The following SLAMF1 variants were observed in gnomAD, a reference collection of about 807,000 sequenced individuals.
SLAMF1 encodes the protein signaling lymphocytic activation molecule family member 1.
SLAMF1 carries 18 observed loss-of-function variants against 35.1 expected under a neutral mutation model. The ratio of observed to expected loss-of-function variants is 0.51; its 90% CI spans 0.35 to 0.76. SLAMF1 has a LOEUF of 0.76. SLAMF1 is among the 30% of genes least tolerant of loss of function. The pLI is 0.01. For synonymous variants in SLAMF1, 168 were observed against 157.2 expected (o/e 1.07, Z -0.51); for missense variants, 392 against 413.0 (o/e 0.95, Z 0.44).
chr1:160,637,590 G>T, intron 1 of SLAMF1, 61 bp from the exon 2 acceptor site: 1 of 1,249,142 alleles, frequency 8.0e-7, no homozygotes, highest in Non-Finnish European at 1.1e-6. Flanking sequence ...CATCGTGTCA[G>T]CAGATCAGGA....
chr1:160,637,426 G>A lies in SLAMF1; in HGVS notation c.180C>T (p.Ile60=). ...ATTTTGCCATTGTGACGACAATGTG[G>A]ATGCTTTTGTTCATGCTCTTATTTA... ...ERINKSMNKS[I]HIVVTMAKSL... is the part of the protein sequence containing the mutation. Residue 60 remains isoleucine, a synonymous_variant, in exon 2 of 7, where the codon ATC becomes ATT. Coordinates refer to ENST00000302035, the MANE Select transcript of SLAMF1 (RefSeq NM_003037.5). 6.2e-7 allele frequency: 1 copy of A among 1,613,964 alleles called. No individual in the cohort carries two copies. The highest frequency in any genetic ancestry group is 8.5e-7 in the Non-Finnish European group (1 of 1,179,832).
chr1:160,624,847 T>C (rs1659796451), intron 3 of SLAMF1, among the ~76,000 whole-genome samples: 1 of 152,138 alleles, frequency 6.6e-6, no homozygotes, highest in Non-Finnish European at 1.5e-5. Flanking sequence ...CTTTATCAAA[T>C]CCTTTTGAAC....
At chr1:160,613,913 A>G (rs1254128779) in intron 5 of SLAMF1, among the ~76,000 whole-genome samples, 6 of 152,264 alleles carry the variant, frequency 3.9e-5, no homozygotes, top group Non-Finnish European at 7.3e-5. Context: ...ATGAGCTCCT[A>G]TAGTTATAAG....
intron 3 of SLAMF1, chr1:160,634,225 A>G (rs1014214707): frequency 6.4e-6 from 1 of 155,044 alleles, no homozygotes; most frequent in African/African-American, 2.4e-5. Context: ...ATCAGTAAAT[A>G]CTAATTGACG....
At chr1:160,629,420 A>G (rs1660052645) in intron 3 of SLAMF1, among the ~76,000 whole-genome samples, 1 of 152,142 alleles carries the variant, frequency 6.6e-6, no homozygotes, top group African/African-American at 2.4e-5. Context: ...CACCTAGGAG[A>G]TACTGCGACG....
intron 1 of SLAMF1, among the ~76,000 whole-genome samples, chr1:160,639,207 T>C (rs1208379480): frequency 6.6e-6 from 1 of 152,288 alleles, no homozygotes; most frequent in East Asian, 1.9e-4. Flanking sequence ...ATTCCTTTCT[T>C]TCTCGCATAC....
intron 1 of SLAMF1, among the ~76,000 whole-genome samples, chr1:160,640,910 G>T (rs1312542174): frequency 6.6e-6 from 1 of 152,076 alleles, no homozygotes; most frequent in Non-Finnish European, 1.5e-5. Flanking sequence ...TGGTGGTGGT[G>T]GTTGTTTTTA....
chr1:160,626,556 C>A (rs1345242520), intron 3 of SLAMF1, among the ~76,000 whole-genome samples: 2 of 152,114 alleles, frequency 1.3e-5, no homozygotes, highest in Non-Finnish European at 2.9e-5. Flanking sequence ...CTTAAGGGAA[C>A]TATAGTATAG....
chr1:160,614,727 A>C (rs1453913635), intron 5 of SLAMF1, among the ~76,000 whole-genome samples: 1 of 152,226 alleles, frequency 6.6e-6, no homozygotes, highest in Non-Finnish European at 1.5e-5. Context: ...TTTAGAAAGG[A>C]GAAAAATATG....
intron 4 of SLAMF1, among the ~76,000 whole-genome samples, chr1:160,623,044 G>A (rs1659701766): frequency 6.6e-6 from 1 of 152,172 alleles, no homozygotes; most frequent in South Asian, 2.1e-4. Flanking sequence ...TGTTGGGGAA[G>A]GTAGTGGGGA....
At chr1:160,611,961 T>C (rs1220558721) in intron 6 of SLAMF1, among the ~76,000 whole-genome samples, 1 of 152,190 alleles carries the variant, frequency 6.6e-6, no homozygotes, top group Non-Finnish European at 1.5e-5. Flanking sequence ...GGTCTATGGC[T>C]ACTCTCCATA....
Position 160,642,331 on chromosome 1 carries a change from T to A in SLAMF1, c.76+4539A>T, listed in dbSNP as rs562541735. On this transcript the variant is annotated intron_variant, in intron 1 of 6. Transcript: ENST00000302035. This position sits in a 1 kb window ranked among gnomAD's most constrained non-coding sequence, Gnocchi z 4.2. ...TTATTTGCCTAGCTAACAACTTCCA[T>A]CTTTCTGGTCTCCATTTTGACATCT... Among the ~76,000 whole-genome samples, 2 of 152,330 alleles carry A rather than the reference T, an allele frequency of 1.3e-5. No homozygotes were observed. Among genetic ancestry groups the A allele is most frequent in the East Asian group, 3.9e-4 (2 of 5,180 alleles).
In SLAMF1 at chr1:160,608,972, G is replaced by A. The variant is rs1317900024; in HGVS notation, c.*1776C>T. ...CAGCCCCCCTTGGAGATAGGACATG[G>A]ACATGTGACCTAGGATTGGCCACTC... On this transcript the variant is annotated 3_prime_UTR_variant, in exon 7 of 7. Transcript: ENST00000302035. 2 of 152,184 alleles carry A rather than the reference G, an allele frequency of 1.3e-5. No individual in the cohort carries two copies. The highest frequency in any genetic ancestry group is 4.8e-5 in the African/African-American group (2 of 41,438). 9.4% of individuals were successfully genotyped at this position (152,184 alleles called of 1,614,324 possible). A position where few individuals can be genotyped will look rare whatever the true frequency, so the allele number is the denominator to read the frequency against.
In SLAMF1 at chr1:160,637,527, C is replaced by G. The variant is rs1254843184; in HGVS notation, c.79G>C (p.Gly27Arg). The G allele has an allele frequency of 6.2e-7, 1 of 1,607,252 alleles. No individual in the cohort carries two copies. Among genetic ancestry groups the G allele is most frequent in the African/African-American group, 1.3e-5 (1 of 74,986 alleles). The change falls in exon 2 of 7, where the codon GGG becomes CGG. Residue 27 changes from glycine (G) to arginine (R), a missense_variant and splice_region_variant. Gly to Arg is a moderately radical substitution (Grantham distance 125). Transcript: ENST00000302035. Reference sequence around the variant, plus strand: ...ATCTTTGGGCAGTTCATCATGCGCCCACCTGTGGGAGGGAGGAGAAGAGAG... The same window carrying G: ...ATCTTTGGGCAGTTCATCATGCGCCGACCTGTGGGAGGGAGGAGAAGAGAG... ...LAFGASYGTG[G>R]RMMNCPKILR...
chr1:160,634,504 T>C, intron 3 of SLAMF1, 109 bp downstream of exon 3: 1 of 1,420,152 alleles, frequency 7.0e-7, no homozygotes, highest in Non-Finnish European at 9.5e-7. Context: ...AAAGAAAATG[T>C]AAAGTATTGT....
At chr1:160,621,197 C>G (rs1317023530) in intron 4 of SLAMF1, among the ~76,000 whole-genome samples, 1 of 152,158 alleles carries the variant, frequency 6.6e-6, no homozygotes, top group Non-Finnish European at 1.5e-5. Context: ...CAGGCAGAGG[C>G]AATGGAGGCT....
chr1:160,633,133 G>A lies in SLAMF1; in HGVS notation c.700+1480C>T, dbSNP rs369323716. 3.3e-5 allele frequency among the ~76,000 whole-genome samples: 5 copies of A among 152,308 alleles called. No individual in the cohort carries two copies. In the South Asian group the frequency reaches 1.0e-3, roughly 32 times the overall value. On this transcript the variant is annotated intron_variant, in intron 3 of 6. Transcript: ENST00000302035. ...CAGCATTGGCTCTAGGACTTCCGGG[G>A]TCACATTCTGTAAGCTACCCACTAT...
intron 1 of SLAMF1, among the ~76,000 whole-genome samples, chr1:160,644,744 T>A (rs1210050149): frequency 1.3e-5 from 2 of 152,170 alleles, no homozygotes; most frequent in Non-Finnish European, 2.9e-5. Context: ...CAGCATCACA[T>A]CACAGTATTA....
rs780639505 is a variant in SLAMF1 at position 160,637,323 on chromosome 1, G to T, written c.283C>A (p.Arg95Ser). 5 of 1,613,760 alleles carry T rather than the reference G, an allele frequency of 3.1e-6. No individual in the cohort carries two copies. The highest frequency in any genetic ancestry group is 4.2e-6 in the Non-Finnish European group (5 of 1,179,720). The change falls in exon 2 of 7, where the codon CGC (arginine) becomes AGC (serine). Residue 95 changes from arginine (R) to serine (S), a missense_variant. By Grantham distance (110) the Arg-to-Ser change is moderately radical. Coordinates refer to ENST00000302035, the MANE Select transcript of SLAMF1 (RefSeq NM_003037.5). ...AGATTCTCCAGATAAAACTTGTAGC[G>T]ATCTCCTAGATAACGTGGAGGGCCT... ...EAGPPRYLGD[R>S]YKFYLENLTL...
Sources: gnomAD v4.1 joint callset for allele counts (sites outside exome capture counted in the v4.1 genomes callset) on GRCh38, gnomAD v4.1.1 for gene constraint, Gnocchi (gnomAD v3.1) non-coding constraint, MANE v1.5 for transcripts, NCBI Gene and HGNC (gene_info 2026-07-23, HGNC 2026-07-21) for gene names.